Variants in SUSD3 observed in about 807,000 individuals in gnomAD.
The protein encoded by SUSD3 is sushi domain-containing protein 3.
Under a neutral mutation model 20.6 loss-of-function variants are expected in SUSD3, and 18 were observed. That is an observed-to-expected ratio of 0.87 (90% CI 0.60 to 1.30). The LOEUF (loss-of-function observed/expected upper bound fraction) is 1.30. Among genes scored for constraint, SUSD3 ranks in the 50% most tolerant of loss-of-function variants. SUSD3 has a pLI of 0.00. For synonymous variants in SUSD3, 137 were observed against 141.5 expected, an observed-to-expected ratio of 0.97 and a Z score of 0.23; for missense variants, 306 against 346.9, an observed-to-expected ratio of 0.88 and a Z score of 0.94.
At chr9:93,080,619 C>T (rs1475561956) in intron 4 of SUSD3, among the ~76,000 whole-genome samples, 2 of 152,244 alleles carry the variant, frequency 1.3e-5, no homozygotes, top group Non-Finnish European at 2.9e-5. Flanking sequence ...GCTGCCCCCA[C>T]GGGCCACATG....
rs897276651 is a variant in SUSD3 at position 93,076,460 on chromosome 9, A to G, written c.277+488A>G. On this transcript the variant is annotated intron_variant, in intron 2 of 4. Transcript: ENST00000375472. ...TGGAGCTCCCAGTCTGTGGGAGGCA[A>G]TGGTTTTCTGGTTGTATTTCTTGTA... is the stretch of plus-strand genomic sequence containing the variant. Among the ~76,000 whole-genome samples the G allele has an allele frequency of 3.3e-5, 5 of 152,110 alleles. No individual in the cohort carries two copies. In the East Asian group the frequency reaches 5.8e-4, roughly 18 times the overall value.
chr9:93,059,475 C>A (rs951026912), intron 1 of SUSD3, among the ~76,000 whole-genome samples: 12 of 152,194 alleles, frequency 7.9e-5, no homozygotes, highest in Non-Finnish European at 1.6e-4. Context: ...AAAGAGTTGT[C>A]TGCTCCCGTG....
At position 93,083,256 on chromosome 9, in the gene SUSD3, G is replaced by A. The variant is rs1047169708; in HGVS notation, c.558-1281G>A. Reference sequence around the variant, plus strand: ...GAGCTCTCTCACACATGGAGACCTCGAGCACTCAGCCCAGCTTCATGGGGA... The same window carrying A: ...GAGCTCTCTCACACATGGAGACCTCAAGCACTCAGCCCAGCTTCATGGGGA... On this transcript the variant is annotated intron_variant, in intron 4 of 4. Coordinates refer to ENST00000375472, the MANE Select transcript of SUSD3 (RefSeq NM_145006.4). 3.9e-5 allele frequency among the ~76,000 whole-genome samples: 6 copies of A among 152,184 alleles called. No individual in the cohort carries two copies. In the East Asian group the frequency reaches 9.7e-4, roughly 25 times the overall value.
intron 4 of SUSD3, among the ~76,000 whole-genome samples, chr9:93,081,960 T>C (rs1396782174): frequency 2.0e-5 from 3 of 152,230 alleles, no homozygotes; most frequent in Non-Finnish European, 1.5e-5. Context: ...TAGGAATCGA[T>C]TGTTTAGGCC....
chr9:93,067,196 C>G (rs568012475), intron 1 of SUSD3, among the ~76,000 whole-genome samples: 1 of 152,264 alleles, frequency 6.6e-6, no homozygotes, highest in East Asian at 1.9e-4. Context: ...TTGTGTCTGA[C>G]TTCTTTCACT....
chr9:93,081,994 C>T (rs1302961991), intron 4 of SUSD3, among the ~76,000 whole-genome samples: 1 of 152,176 alleles, frequency 6.6e-6, no homozygotes, highest in Non-Finnish European at 1.5e-5. Context: ...ATTTTATGAC[C>T]ACATTCTTTC....
intron 4 of SUSD3, among the ~76,000 whole-genome samples, chr9:93,083,646 C>A (rs1267348822): frequency 6.6e-6 from 1 of 152,196 alleles, no homozygotes; most frequent in Non-Finnish European, 1.5e-5. Flanking sequence ...TCCCACACAA[C>A]CAGTAAGTGA....
intron 1 of SUSD3, among the ~76,000 whole-genome samples, chr9:93,061,035 G>A (rs1825484779): frequency 6.6e-6 from 1 of 152,218 alleles, no homozygotes; most frequent in Non-Finnish European, 1.5e-5. Flanking sequence ...GGGCGCGGGG[G>A]AGACTAGCTC....
intron 1 of SUSD3, chr9:93,069,049 T>A (rs1825821303): frequency 1.4e-6 from 1 of 700,314 alleles, no homozygotes; most frequent in African/African-American, 1.7e-5. Flanking sequence ...TACTCACCCT[T>A]CTTGCGATGA....
In SUSD3 at chr9:93,080,502, C is replaced by T. The variant is rs746490399; in HGVS notation, c.557+900C>T. Among the ~76,000 whole-genome samples the T allele has an allele frequency of 3.3e-4, 50 of 152,148 alleles. 1 individual carries two copies. The highest frequency in any genetic ancestry group is 7.2e-4 in the Admixed American group (11 of 15,264). On this transcript the variant is annotated intron_variant, in intron 4 of 4. Transcript: ENST00000375472. ...CTTCTGAGGGTTCCAGGCCAGTGGT[C>T]GCATGCAGAGGCTCCTGTCTGCGTC...
intron 1 of SUSD3, among the ~76,000 whole-genome samples, chr9:93,060,702 G>A (rs1343125635): frequency 6.6e-6 from 1 of 152,088 alleles, no homozygotes; most frequent in African/African-American, 2.4e-5. Context: ...TGAGCATGGT[G>A]GCATGCGCCT....
rs1450345421 is a variant in SUSD3, at chr9:93,084,809, G to T, written c.*62G>T. The T allele has an allele frequency of 1.8e-5, 25 of 1,386,798 alleles. No homozygotes were observed. Among genetic ancestry groups the T allele is most frequent in the Non-Finnish European group, 3.8e-6 (4 of 1,051,942 alleles). 85.9% of individuals were successfully genotyped at this position (1,386,798 alleles called of 1,614,324 possible). The stretch of plus-strand genomic sequence containing the variant: ...GAGGCCAGGCTGACCCCACCAGCCA[G>T]TCAGCTACAACTCCACATCAACTCC... On this transcript the variant is annotated 3_prime_UTR_variant, in exon 5 of 5. Coordinates refer to ENST00000375472, the MANE Select transcript of SUSD3 (RefSeq NM_145006.4).
At chr9:93,072,218 T>C (rs889471697) in intron 1 of SUSD3, among the ~76,000 whole-genome samples, 2 of 152,044 alleles carry the variant, frequency 1.3e-5, no homozygotes, top group Non-Finnish European at 2.9e-5. Context: ...GCAGAAGCAG[T>C]GTAGCCTGAC....
intron 1 of SUSD3, among the ~76,000 whole-genome samples, chr9:93,075,349 C>G (rs1003976784): frequency 1.3e-5 from 2 of 151,446 alleles, no homozygotes; most frequent in Non-Finnish European, 2.9e-5. Context: ...TATTAGGGAG[C>G]CTCAGAAGCT....
At chr9:93,075,740 ACCCCC>A in intron 1 of SUSD3, 39 bp from the exon 2 acceptor site, 3 of 146,784 alleles carry the variant, frequency 2.0e-5, no homozygotes, top group Non-Finnish European at 3.6e-5. Context: ...CTGCGTGCCC[ACCCCC>A]CCCCCCCCGC....
Position 93,084,559 on chromosome 9 carries a change from A to C in SUSD3, c.580A>C (p.Lys194Gln), listed in dbSNP as rs779495077. Residue 194 changes from lysine (K) to glutamine (Q), a missense_variant, in exon 5 of 5, where the codon AAG becomes CAG. Coordinates refer to ENST00000375472, the MANE Select transcript of SUSD3 (RefSeq NM_145006.4). ...FTTDHGESTS[K>Q]LASVTRSVDK... ...CAGAGACCATGGTGAGAGCACCAGCAAGCTGGCCAGTGTGACCCGCAGCGT... is the reference window on the plus strand; with the variant it reads ...CAGAGACCATGGTGAGAGCACCAGCCAGCTGGCCAGTGTGACCCGCAGCGT... 1.3e-6 allele frequency: 2 copies of C among 1,597,754 alleles called. No homozygotes were observed. Among genetic ancestry groups the C allele is most frequent in the African/African-American group, 2.7e-5 (2 of 74,330 alleles).
At chr9:93,084,047 G>T (rs568383075) in intron 4 of SUSD3, among the ~76,000 whole-genome samples, 584 of 152,212 alleles carry the variant, frequency 3.8e-3, no homozygotes, top group Admixed American at 9.2e-3. Context: ...GTATCTGGGG[G>T]AGTAGAGAGC....
Position 93,079,464 on chromosome 9 carries a change from C to G in SUSD3, c.426-7C>G. ...CTCAGAGTCCTTCCTCCCAAACTCTCCTCCAGGTCAGCCCAGCTGTGGTCC... is the reference window on the plus strand; with the variant it reads ...CTCAGAGTCCTTCCTCCCAAACTCTGCTCCAGGTCAGCCCAGCTGTGGTCC... On this transcript the variant is annotated splice_region_variant and splice_polypyrimidine_tract_variant and intron_variant, in intron 3 of 4. Transcript: ENST00000375472. The G allele has an allele frequency of 6.2e-7, 1 of 1,613,714 alleles. No individual in the cohort carries two copies. The highest frequency in any genetic ancestry group is 8.5e-7 in the Non-Finnish European group (1 of 1,179,786).
rs368292441 is a variant in SUSD3 at position 93,075,873 on chromosome 9, C to T, written c.178C>T (p.Arg60Cys). The T allele has an allele frequency of 5.2e-5, 84 of 1,613,832 alleles. No homozygotes were observed. The highest frequency in any genetic ancestry group is 6.4e-5 in the Non-Finnish European group (76 of 1,179,992). The stretch of plus-strand genomic sequence containing the variant: ...TTCCGTGGGGACCGTGCTCATGTTC[C>T]GCTGCCCCTCCAACCACCAGATGGT... ...GASVGTVLMF[R>C]CPSNHQMVGS... is the part of the protein sequence containing the mutation. The change falls in exon 2 of 5, where the codon CGC (arginine) becomes TGC (cysteine). Residue 60 changes from arginine (R) to cysteine (C), a missense_variant. Physicochemically the swap from Arg to Cys is radical, Grantham distance 180. Transcript: ENST00000375472.
Sources: gnomAD v4.1 joint callset for allele counts (sites outside exome capture counted in the v4.1 genomes callset) on GRCh38, gnomAD v4.1.1 for gene constraint, MANE v1.5 for transcripts, NCBI Gene and HGNC (gene_info 2026-07-23, HGNC 2026-07-21) for gene names.